The following EFL1 variants were observed in gnomAD, a reference collection of about 807,000 sequenced individuals.
The protein encoded by EFL1 is elongation factor-like GTPase 1.
Under a neutral mutation model 126.7 loss-of-function variants are expected in EFL1, and 76 were observed. The observed-to-expected ratio is 0.60, with a 90% CI of 0.50 to 0.73. EFL1 has a LOEUF of 0.73. EFL1 is among the 30% of genes least tolerant of loss of function. The pLI, the probability that EFL1 is intolerant of heterozygous loss-of-function variation, is 0.00. For synonymous variants in EFL1, 410 were observed against 448.4 expected (o/e 0.91, Z 1.08); for missense variants, 1,128 against 1,343.2 (o/e 0.84, Z 2.50).
chr15:82,183,170 C>T (rs566121240), intron 15 of EFL1, among the ~76,000 whole-genome samples: 34 of 152,148 alleles, frequency 2.2e-4, no homozygotes, highest in African/African-American at 6.5e-4. Flanking sequence ...ATATACTCAG[C>T]GGCAAAAAGT....
intron 1 of EFL1, 110 bp from the exon 2 acceptor site, chr15:82,261,907 A>G (rs1221178740): frequency 2.8e-6 from 2 of 725,788 alleles, no homozygotes; most frequent in Non-Finnish European, 4.5e-6. Context: ...CCCTTAAACC[A>G]AGAACCCAGT....
chr15:82,233,604 A>G (rs781723487), intron 7 of EFL1: 9 of 152,186 alleles, frequency 5.9e-5, no homozygotes, highest in African/African-American at 2.2e-4. Flanking sequence ...TCCCTCTTCT[A>G]TAAGGTTGAG....
At chr15:82,178,055 C>T (rs2074212749) in intron 15 of EFL1, among the ~76,000 whole-genome samples, 1 of 152,210 alleles carries the variant, frequency 6.6e-6, no homozygotes, top group Non-Finnish European at 1.5e-5. Flanking sequence ...AAGGGATTTT[C>T]AGGGGAAGCC....
chr15:82,137,016 G>A (rs1173690862), intron 19 of EFL1, among the ~76,000 whole-genome samples: 2 of 145,156 alleles, frequency 1.4e-5, no homozygotes, highest in African/African-American at 5.6e-5. Context: ...CATTAAGAAT[G>A]TGATTTTTTT....
intron 15 of EFL1, among the ~76,000 whole-genome samples, chr15:82,190,856 T>A (rs1376698020): frequency 3.3e-5 from 5 of 152,178 alleles, no homozygotes; most frequent in African/African-American, 1.2e-4. Flanking sequence ...GATACATACG[T>A]ATGTATGCAA....
At chr15:82,166,205 T>C (rs1333055252) in intron 15 of EFL1, among the ~76,000 whole-genome samples, 1 of 152,234 alleles carries the variant, frequency 6.6e-6, no homozygotes, top group Admixed American at 6.5e-5. Flanking sequence ...AGATAAATGC[T>C]GGTCTTTCCT....
At chr15:82,168,849 G>C (rs1044296891) in intron 15 of EFL1, among the ~76,000 whole-genome samples, 3 of 152,210 alleles carry the variant, frequency 2.0e-5, no homozygotes, top group African/African-American at 7.2e-5. Context: ...TTTCTCAGAA[G>C]AGAAACTACC....
At chr15:82,157,896 T>C (rs369250493) in intron 16 of EFL1, 36 bp from the exon 17 acceptor site, 13 of 1,593,200 alleles carry the variant, frequency 8.2e-6, no homozygotes, top group Non-Finnish European at 1.1e-5. Context: ...AAATATGATA[T>C]AAGAACTAAC....
chr15:82,177,062 G>A (rs539377738), intron 15 of EFL1, among the ~76,000 whole-genome samples: 3 of 152,240 alleles, frequency 2.0e-5, no homozygotes, highest in African/African-American at 4.8e-5. Context: ...TAGGGTGAAG[G>A]GGTGCGGTGG....
chr15:82,230,431 G>A lies in EFL1; in HGVS notation c.855+417C>T, dbSNP rs543354709. 2.0e-5 allele frequency among the ~76,000 whole-genome samples: 3 copies of A among 152,102 alleles called. No individual in the cohort carries two copies. The East Asian group carries it at 5.8e-4, about 29-fold the overall frequency. On this transcript the variant is annotated intron_variant, in intron 8 of 19. Coordinates refer to ENST00000268206, the MANE Select transcript of EFL1 (RefSeq NM_024580.6). ...CCACCTCTCCCGATCTACACTGCAC[G>A]ATGACCAGCATGCAGTGAGATAAGG... is the stretch of plus-strand genomic sequence containing the variant.
intron 15 of EFL1, among the ~76,000 whole-genome samples, chr15:82,177,241 AATGTT>A (rs1178827492): frequency 6.6e-6 from 1 of 152,222 alleles, no homozygotes; most frequent in Non-Finnish European, 1.5e-5. Flanking sequence ...GTATACTTAA[AATGTT>A]ATTTGACACA....
chr15:82,261,574 G>T, intron 2 of EFL1, 114 bp downstream of exon 2: 2 of 1,015,134 alleles, frequency 2.0e-6, no homozygotes, highest in Non-Finnish European at 1.4e-6. Context: ...AAAGAAAGAA[G>T]ACTTGCTTCT....
chr15:82,159,940 G>A (rs2074005594), intron 16 of EFL1: 1 of 152,150 alleles, frequency 6.6e-6, no homozygotes, highest in Admixed American at 6.5e-5. Flanking sequence ...ACCTTGGAAT[G>A]GCTATATCAC....
chr15:82,148,592 CTA>C (rs1427725722), intron 18 of EFL1, among the ~76,000 whole-genome samples: 1 of 152,070 alleles, frequency 6.6e-6, no homozygotes, highest in Admixed American at 6.6e-5. Flanking sequence ...GGTGAACAAA[CTA>C]TAGCAAGTGG....
intron 15 of EFL1, among the ~76,000 whole-genome samples, chr15:82,203,422 G>C (rs2074491649): frequency 6.6e-6 from 1 of 152,208 alleles, no homozygotes; most frequent in East Asian, 1.9e-4. Flanking sequence ...AAGCTGGAGT[G>C]CAGTGGCGTG....
intron 4 of EFL1, among the ~76,000 whole-genome samples, chr15:82,244,918 G>A (rs2074957701): frequency 6.6e-6 from 1 of 152,096 alleles, no homozygotes; most frequent in Non-Finnish European, 1.5e-5. Context: ...AAGAAAAACT[G>A]AAGTTATGGA....
At chr15:82,237,144 A>AAAAAC (rs1324168837) in intron 7 of EFL1, among the ~76,000 whole-genome samples, 1 of 152,222 alleles carries the variant, frequency 6.6e-6, no homozygotes, top group Non-Finnish European at 1.5e-5. Context: ...CTCTGTCTCA[A>AAAAAC]AAAACAAAAC....
At chr15:82,199,931 G>T (rs1173150870) in intron 15 of EFL1, among the ~76,000 whole-genome samples, 1 of 152,144 alleles carries the variant, frequency 6.6e-6, no homozygotes, top group Non-Finnish European at 1.5e-5. Flanking sequence ...AGCTAAAAGT[G>T]ACAGAACCAG....
At position 82,163,949 on chromosome 15, in the gene EFL1, C is replaced by G. The variant is rs1486692769; in HGVS notation, c.1786G>C (p.Ala596Pro). ...GGLQDFVLKS[A>P]TLCSLPSCPP... is the part of the protein sequence containing the mutation. ...CAGGATGGCAGGCTACACAGTGTTG[C>G]AGATTTCAGCACAAAATCTTGAAGG... Residue 596 changes from alanine to proline, a missense_variant, in exon 16 of 20, where the codon GCA (alanine) becomes CCA (proline). This residue lies in a region of EFL1 where 561 missense variants were observed against 641.7 expected (regional missense o/e 0.87). Coordinates refer to ENST00000268206, the MANE Select transcript of EFL1 (RefSeq NM_024580.6). The G allele has an allele frequency of 6.2e-7, 1 of 1,613,988 alleles. No homozygotes were observed. The highest frequency in any genetic ancestry group is 1.7e-5 in the Admixed American group (1 of 59,994).
Sources: gnomAD v4.1 joint callset for allele counts (sites outside exome capture counted in the v4.1 genomes callset) on GRCh38, gnomAD v4.1.1 for gene constraint, gnomAD v4.1.1 regional missense constraint, MANE v1.5 for transcripts, NCBI Gene and HGNC (gene_info 2026-07-23, HGNC 2026-07-21) for gene names.